The following RBMS3 variants were observed in gnomAD, a reference collection of about 807,000 sequenced individuals.
RBMS3 encodes RNA binding motif single stranded interacting protein 3.
In RBMS3, 27 loss-of-function variants were observed where a neutral mutation model predicts 66.8. That is an observed-to-expected ratio of 0.40 (90% confidence interval 0.30 to 0.56). RBMS3 has a LOEUF of 0.56. Among genes scored for constraint, RBMS3 ranks in the 20% least tolerant of loss-of-function variants. RBMS3 has a pLI of 0.40. For missense variants in RBMS3, 513 were observed against 549.5 expected, an observed-to-expected ratio of 0.93 and a Z score of 0.66; for synonymous variants, 188 against 183.0, an observed-to-expected ratio of 1.03 and a Z score of -0.22.
chr3:29,324,898 AT>A (rs955315361), intron 1 of RBMS3, among the ~76,000 whole-genome samples: 7 of 147,040 alleles, frequency 4.8e-5, no homozygotes, highest in Admixed American at 4.1e-4. Context: ...CCCCACTGTT[AT>A]TTTTTTTTCT....
intron 8 of RBMS3, among the ~76,000 whole-genome samples, chr3:29,894,493 CGT>C (rs894970297): frequency 3.3e-5 from 5 of 151,328 alleles, no homozygotes; most frequent in African/African-American, 1.2e-4. Context: ...TCAGTGTGTG[CGT>C]GTGAGAGAGC....
At chr3:29,323,926 C>A (rs1187251328) in intron 1 of RBMS3, among the ~76,000 whole-genome samples, 1 of 151,514 alleles carries the variant, frequency 6.6e-6, no homozygotes, top group African/African-American at 2.4e-5. Context: ...AATAACACAC[C>A]GATTCAGATA....
chr3:29,694,457 C>T (rs943777115), intron 4 of RBMS3, among the ~76,000 whole-genome samples: 1 of 152,110 alleles, frequency 6.6e-6, no homozygotes. Context: ...TTTCATAGGG[C>T]TGTCTTACTC....
chr3:29,830,114 A>C (rs9847502), intron 6 of RBMS3, among the ~76,000 whole-genome samples: 76,628 of 151,800 alleles, frequency 0.5, 19,778 homozygotes, highest in Non-Finnish European at 0.55. Context: ...CTAATTATAT[A>C]GTGCAGATAT....
chr3:29,706,361 T>A (rs574161666), intron 4 of RBMS3, among the ~76,000 whole-genome samples: 1 of 152,322 alleles, frequency 6.6e-6, no homozygotes, highest in African/African-American at 2.4e-5. Context: ...TTTTCTTTGC[T>A]ATGCAAGGAG....
Position 29,452,153 on chromosome 3 carries a change from T to A in RBMS3, c.248+17238T>A, listed in dbSNP as rs563104407. On this transcript the variant is annotated intron_variant, in intron 2 of 14. Transcript: ENST00000383767. ...TCCTGTGTAAGAAGCTCGTAGTCTC[T>A]GGCTGTGATATGTACAATATATGGC... Among the ~76,000 whole-genome samples the A allele has an allele frequency of 1.2e-4, 19 of 152,312 alleles. No individual in the cohort carries two copies. In the South Asian group the frequency reaches 3.7e-3, roughly 30 times the overall value.
chr3:29,899,733 C>G lies in RBMS3; in HGVS notation c.917C>G (p.Pro306Arg). ...CAGAGTACTTCATGGATGCCTCATC[C>G]GCCATACGTTATGCAACCAACAGTA... ...QVQSTSWMPH[P>R]PYVMQPTGAV... Residue 306 changes from proline to arginine, a missense_variant, in exon 10 of 15, where the codon CCG (proline) becomes CGG (arginine). Pro to Arg is a moderately radical substitution (Grantham distance 103). Transcript: ENST00000383767. The G allele has an allele frequency of 2.5e-6, 4 of 1,610,404 alleles. No individual in the cohort carries two copies. The highest frequency in any genetic ancestry group is 3.4e-6 in the Non-Finnish European group (4 of 1,177,904).
chr3:29,791,488 C>A (rs2057011711), intron 6 of RBMS3, among the ~76,000 whole-genome samples: 1 of 150,248 alleles, frequency 6.7e-6, no homozygotes, highest in Non-Finnish European at 1.5e-5. Context: ...CAAATAGCTT[C>A]TCAATGTTTT....
At chr3:29,951,671 T>C (rs1460491193) in intron 12 of RBMS3, among the ~76,000 whole-genome samples, 1 of 151,760 alleles carries the variant, frequency 6.6e-6, no homozygotes, top group African/African-American at 2.4e-5. Context: ...ATTTGCTATG[T>C]TAGATTAACT....
chr3:29,900,647 G>A (rs1055421374), intron 10 of RBMS3, among the ~76,000 whole-genome samples: 1 of 151,622 alleles, frequency 6.6e-6, no homozygotes, highest in Admixed American at 6.6e-5. Flanking sequence ...TGACTCTTCT[G>A]GGTATGCTCT....
intron 7 of RBMS3, among the ~76,000 whole-genome samples, chr3:29,878,355 A>G (rs997996339): frequency 2.0e-5 from 3 of 152,004 alleles, no homozygotes; most frequent in Non-Finnish European, 4.4e-5. Flanking sequence ...TATCTTAGTT[A>G]TATACACTTT....
intron 10 of RBMS3, among the ~76,000 whole-genome samples, chr3:29,915,554 G>A (rs1030993794): frequency 2.0e-5 from 3 of 151,878 alleles, no homozygotes; most frequent in East Asian, 1.9e-4. Context: ...CAGTATGCCC[G>A]TATCTCCAGA....
chr3:29,838,278 G>T (rs2058578343), intron 6 of RBMS3, among the ~76,000 whole-genome samples: 1 of 151,802 alleles, frequency 6.6e-6, no homozygotes, highest in Admixed American at 6.6e-5. Context: ...GGTGGAGGCT[G>T]CAGTGAGACA....
At chr3:29,810,809 C>G (rs555635436) in intron 6 of RBMS3, among the ~76,000 whole-genome samples, 1 of 152,222 alleles carries the variant, frequency 6.6e-6, no homozygotes, top group African/African-American at 2.4e-5. Flanking sequence ...ATATACTGAG[C>G]TATTTTTTGT....
rs1316062367 is a variant in RBMS3 at position 29,666,802 on chromosome 3, T to C, written c.400-72918T>C. Among the ~76,000 whole-genome samples the C allele has an allele frequency of 2.6e-5, 4 of 152,170 alleles. No homozygotes were observed. The East Asian group carries it at 7.7e-4, about 29-fold the overall frequency. On this transcript the variant is annotated intron_variant, in intron 4 of 14. Coordinates refer to ENST00000383767, the MANE Select transcript of RBMS3 (RefSeq NM_001003793.3). ...AACTGGTTACTTTGTATAGAAATAA[T>C]TTTAATATTTAGCATGCTTATACAA...
chr3:29,290,234 C>A (rs1026207570), intron 1 of RBMS3, among the ~76,000 whole-genome samples: 2 of 151,728 alleles, frequency 1.3e-5, no homozygotes, highest in South Asian at 4.2e-4. Flanking sequence ...AGAATTCAAG[C>A]AAATATATTT....
chr3:29,283,016 T>C (rs982333318), intron 1 of RBMS3, among the ~76,000 whole-genome samples: 6 of 152,170 alleles, frequency 3.9e-5, no homozygotes, highest in African/African-American at 1.2e-4. Context: ...ATTTAGTTTG[T>C]GCTGCTGATG....
chr3:29,633,015 A>T (rs933192761), intron 4 of RBMS3, among the ~76,000 whole-genome samples: 28 of 151,930 alleles, frequency 1.8e-4, no homozygotes, highest in African/African-American at 6.8e-4. Context: ...ACTTGTATAC[A>T]TTACACTTGA....
chr3:29,464,295 G>A (rs1043708034), intron 2 of RBMS3, among the ~76,000 whole-genome samples: 4 of 152,188 alleles, frequency 2.6e-5, no homozygotes, highest in Non-Finnish European at 2.9e-5. Context: ...TGGTTGGTTT[G>A]TAAACCACCT....
Sources: allele counts gnomAD v4.1 joint callset (sites outside exome capture counted in the v4.1 genomes callset), GRCh38; gene constraint gnomAD v4.1.1; transcripts MANE v1.5; gene names NCBI Gene and HGNC (gene_info 2026-07-23, HGNC 2026-07-21).